ACACA: variants seen among roughly 807,000 people sequenced by gnomAD.
The protein encoded by ACACA is acetyl-CoA carboxylase 1.
A neutral mutation model predicts 296.1 loss-of-function variants in ACACA; 103 were observed. The observed-to-expected ratio is 0.35, with a 90% CI of 0.30 to 0.41. The LOEUF (loss-of-function observed/expected upper bound fraction) is 0.41, where lower values mean the gene tolerates loss of function less well. Ranked by LOEUF, ACACA falls within the 10% of genes least tolerant of loss-of-function variation. ACACA has a pLI of 1.00. For missense variants in ACACA, 1,554 were observed against 2,989.7 expected (o/e 0.52, Z 11.20); for synonymous variants, 953 against 1,038.6 (o/e 0.92, Z 1.58).
chr17:37,342,168 G>T (rs911899263), intron 1 of ACACA, among the ~76,000 whole-genome samples: 5 of 151,652 alleles, frequency 3.3e-5, no homozygotes, highest in African/African-American at 1.2e-4. Flanking sequence ...CAGCACTTTG[G>T]GAGATGAAGA....
rs2078181774 is a variant in ACACA at position 37,200,195 on chromosome 17, A to G, written c.4114-12T>C. 6.2e-7 allele frequency: 1 copy of G among 1,603,532 alleles called. No homozygotes were observed. The highest frequency in any genetic ancestry group is 2.2e-5 in the East Asian group (1 of 44,792). ...TGCTTTCTGAAATCCTTTCAAATAA[A>G]AGAGAGAAAGGAAGGAAAGACAGCA... On this transcript the variant is annotated splice_polypyrimidine_tract_variant and intron_variant, in intron 34 of 55. Transcript: ENST00000616317.
intron 1 of ACACA, among the ~76,000 whole-genome samples, chr17:37,344,326 G>A (rs1842578438): frequency 6.6e-6 from 1 of 152,026 alleles, no homozygotes; most frequent in South Asian, 2.1e-4. Context: ...GGGAGGATGA[G>A]ACAGGCTGAT....
chr17:37,263,658 A>T, intron 11 of ACACA, 27 bp downstream of exon 11: 1 of 1,592,730 alleles, frequency 6.3e-7, no homozygotes, highest in South Asian at 1.1e-5. Flanking sequence ...GTAAGAAAAC[A>T]TAAAGTAAGC....
intron 52 of ACACA, among the ~76,000 whole-genome samples, chr17:37,101,401 C>T (rs1036890121): frequency 1.3e-5 from 2 of 152,096 alleles, no homozygotes; most frequent in African/African-American, 4.8e-5. Flanking sequence ...ATTCTAAGTG[C>T]TTTATATCTA....
At chr17:37,247,136 T>G (rs78799771) in intron 18 of ACACA, among the ~76,000 whole-genome samples, 160 bp from the exon 19 acceptor site, 1,735 of 152,238 alleles carry the variant, frequency 0.011, 37 homozygotes, top group African/African-American at 0.038. Flanking sequence ...TCAATTAACA[T>G]AAATTTCCTT....
intron 29 of ACACA, 117 bp downstream of exon 29, chr17:37,221,607 C>T: frequency 1.1e-6 from 1 of 903,084 alleles, no homozygotes; most frequent in Non-Finnish European, 1.9e-6. Context: ...TCATATTGTT[C>T]ATTTTTTGCC....
Position 37,199,836 on chromosome 17 carries a change from AG to A in ACACA, c.4158+302del, listed in dbSNP as rs2078167618. 2.0e-5 allele frequency among the ~76,000 whole-genome samples: 3 copies of A among 147,966 alleles called. No individual in the cohort carries two copies. In the South Asian group the frequency reaches 6.4e-4, roughly 31 times the overall value. On this transcript the variant is annotated intron_variant, in intron 35 of 55. Transcript: ENST00000616317. ...ATTCATTATAGGGTTAAAAAAAAAAAGAAGAAAACCTTTAGCTGGAACACTT... is the reference window on the plus strand; with the variant it reads ...ATTCATTATAGGGTTAAAAAAAAAAAAAGAAAACCTTTAGCTGGAACACTT...
rs1386032855 is a variant in ACACA at position 37,390,330 on chromosome 17, A to ATATATATATATATC, written c.38+15931_38+15932insGATATATATATATA. Among the ~76,000 whole-genome samples, 55 of 41,534 alleles carry ATATATATATATATC rather than the reference A, an allele frequency of 1.3e-3. 2 individuals are homozygous for ATATATATATATATC. The highest frequency in any genetic ancestry group is 2.7e-3 in the African/African-American group (21 of 7,838). The allele number at this position is 41,534 out of a possible 152,430, so 27.2% of individuals were successfully genotyped here. ...TATATATATATATATATATATATAT[A>ATATATATATATATC]TATAAAAGGCCAGCTGGGCCGGGCA... On this transcript the variant is annotated intron_variant, in intron 1 of 55. Transcript: ENST00000616317.
chr17:37,246,462 G>A (rs1345051554), intron 19 of ACACA, among the ~76,000 whole-genome samples: 2 of 151,700 alleles, frequency 1.3e-5, no homozygotes, highest in African/African-American at 4.9e-5. Context: ...TTGTGACGCA[G>A]GCCACAAATT....
intron 33 of ACACA, among the ~76,000 whole-genome samples, chr17:37,201,355 C>T (rs1189064231): frequency 6.6e-6 from 1 of 151,826 alleles, no homozygotes; most frequent in Non-Finnish European, 1.5e-5. Flanking sequence ...GCATGAAAAT[C>T]GTTTGAACCA....
intron 55 of ACACA, among the ~76,000 whole-genome samples, chr17:37,088,047 CGAG>C (rs2072338952): frequency 6.6e-6 from 1 of 152,082 alleles, no homozygotes; most frequent in African/African-American, 2.4e-5. Context: ...GAAATTAACA[CGAG>C]GAGGAGCAGA....
At chr17:37,177,478 G>T (rs1328109230) in intron 41 of ACACA, among the ~76,000 whole-genome samples, 1 of 152,146 alleles carries the variant, frequency 6.6e-6, no homozygotes, top group Admixed American at 6.5e-5. Context: ...CAGAATGAGG[G>T]CAGAAAGAAA....
intron 45 of ACACA, chr17:37,141,176 G>A (rs984517156): frequency 1.9e-6 from 1 of 538,142 alleles, no homozygotes; most frequent in African/African-American, 1.9e-5. Context: ...TCATCCTTGA[G>A]AGAGGTCCCC....
At chr17:37,244,441 C>G in intron 21 of ACACA, 147 bp downstream of exon 21, 1 of 908,052 alleles carries the variant, frequency 1.1e-6, no homozygotes, top group Non-Finnish European at 1.8e-6. Context: ...ATTTAAAGAC[C>G]TCAAGTCCCA....
chr17:37,207,329 A>C (rs948528697), intron 31 of ACACA, among the ~76,000 whole-genome samples: 1 of 152,074 alleles, frequency 6.6e-6, no homozygotes, highest in Non-Finnish European at 1.5e-5. Context: ...TGTGGGGCTC[A>C]CTCTAGTGTT....
chr17:37,188,612 A>G (rs1425551887), intron 38 of ACACA, 132 bp from the exon 39 acceptor site: 5 of 898,402 alleles, frequency 5.6e-6, no homozygotes, highest in Non-Finnish European at 8.8e-6. Flanking sequence ...ACACCTTACA[A>G]AAAGTGGTCA....
chr17:37,235,557 C>T (rs2080070746), intron 24 of ACACA, among the ~76,000 whole-genome samples: 2 of 152,110 alleles, frequency 1.3e-5, no homozygotes, highest in Admixed American at 1.3e-4. Context: ...AGGTCTCCCC[C>T]AGAGCTTGAG....
intron 1 of ACACA, among the ~76,000 whole-genome samples, chr17:37,383,574 G>A (rs2050396785): frequency 6.6e-6 from 1 of 152,204 alleles, no homozygotes; most frequent in Non-Finnish European, 1.5e-5. Context: ...TTGAGACAGA[G>A]TCTCGCTTTG....
chr17:37,398,281 CTTTTTTT>C (rs777127866), intron 1 of ACACA, among the ~76,000 whole-genome samples: 1 of 79,196 alleles, frequency 1.3e-5, no homozygotes, highest in Non-Finnish European at 2.2e-5. Context: ...TGTGGTATCA[CTTTTTTT>C]TTTTTTTTTT....
Sources: allele counts gnomAD v4.1 joint callset (sites outside exome capture counted in the v4.1 genomes callset), GRCh38; gene constraint gnomAD v4.1.1; transcripts MANE v1.5; gene names NCBI Gene and HGNC (gene_info 2026-07-23, HGNC 2026-07-21).